ABHD12: variants seen among roughly 807,000 people sequenced by gnomAD.
ABHD12 encodes lysophosphatidylserine lipase ABHD12.
A neutral mutation model predicts 58.3 loss-of-function variants in ABHD12; 43 were observed. That is an observed-to-expected ratio of 0.74 (90% CI 0.58 to 0.95). The LOEUF (loss-of-function observed/expected upper bound fraction) is 0.95, where lower values mean the gene tolerates loss of function less well. Ranked by LOEUF, ABHD12 falls within the 40% of genes least tolerant of loss-of-function variation. ABHD12 has a pLI of 0.00. For synonymous variants in ABHD12, 219 were observed against 211.2 expected (o/e 1.04, Z -0.32); for missense variants, 539 against 537.2 (o/e 1.00, Z -0.03).
chr20:25,386,759 T>C (rs2090096474), intron 1 of ABHD12, among the ~76,000 whole-genome samples: 1 of 151,938 alleles, frequency 6.6e-6, no homozygotes, highest in Admixed American at 6.6e-5. Context: ...CAGGTGCCTG[T>C]AATCCCAGCT....
chr20:25,299,073 G>A (rs1263107056), downstream of ABHD12, among the ~76,000 whole-genome samples: 2 of 124,132 alleles, frequency 1.6e-5, no homozygotes, highest in Non-Finnish European at 3.2e-5. Flanking sequence ...CACCCTTCTC[G>A]CTCTTATCTG....
intron 4 of ABHD12, among the ~76,000 whole-genome samples, chr20:25,318,067 A>G (rs1419786742): frequency 6.6e-6 from 1 of 152,256 alleles, no homozygotes; most frequent in Non-Finnish European, 1.5e-5. Context: ...CTGTAATCCC[A>G]GCACTTTGGG....
Position 25,390,689 on chromosome 20 carries a change from G to T in ABHD12, c.15C>A (p.Thr5=). 7.1e-7 allele frequency: 1 copy of T among 1,411,050 alleles called. No homozygotes were observed. The highest frequency in any genetic ancestry group is 1.4e-5 in the South Asian group (1 of 70,542). The allele number at this position is 1,411,050 out of a possible 1,614,324, so 87.4% of individuals were successfully genotyped here. A position where few individuals can be genotyped will look rare whatever the true frequency, so the allele number is the denominator to read the frequency against. MRKR[T]EPVALEHERC... is the part of the protein sequence containing the mutation. ...GCTCATGCTCCAAGGCGACGGGCTC[G>T]GTCCGCTTCCTCATCCCGCGGCCGA... The change falls in exon 1 of 13, where the codon ACC becomes ACA. Residue 5 remains threonine, a synonymous_variant. Coordinates refer to ENST00000339157, the MANE Select transcript of ABHD12 (RefSeq NM_001042472.3).
chr20:25,340,343 T>C (rs1362368046), intron 1 of ABHD12, among the ~76,000 whole-genome samples: 6 of 152,238 alleles, frequency 3.9e-5, no homozygotes, highest in Non-Finnish European at 7.3e-5. Flanking sequence ...GACATTAACA[T>C]TTTTATAAAT....
At position 25,390,748 on chromosome 20, in the gene ABHD12, C is replaced by CCGCCTGG. The variant is rs71183397; in HGVS notation, c.-46_-45insCCAGGCG. ...GCCGCCGACGGCGCCCGCTGGCCTG[C>CCGCCTGG]GCCGCAGTGCCGCCGCTCACAGCCG... On this transcript the variant is annotated 5_prime_UTR_variant, in exon 1 of 13. Transcript: ENST00000339157. 8.2e-7 allele frequency: 1 copy of CCGCCTGG among 1,223,704 alleles called. No individual in the cohort carries two copies. Among genetic ancestry groups the CCGCCTGG allele is most frequent in the South Asian group, 2.8e-5 (1 of 35,990 alleles). 75.8% of individuals were successfully genotyped at this position (1,223,704 alleles called of 1,614,324 possible).
intron 1 of ABHD12, among the ~76,000 whole-genome samples, chr20:25,341,171 G>A (rs778039500): frequency 1.3e-4 from 20 of 152,194 alleles, no homozygotes; most frequent in Admixed American, 3.3e-4. Flanking sequence ...AAAGGATGGC[G>A]CCCGCACTTG....
At chr20:25,348,582 G>A (rs1396681927) in intron 1 of ABHD12, among the ~76,000 whole-genome samples, 1 of 151,936 alleles carries the variant, frequency 6.6e-6, no homozygotes, top group Non-Finnish European at 1.5e-5. Context: ...GACTGAGCCT[G>A]TGACTAGCCA....
chr20:25,310,827 C>T (rs947028491), intron 6 of ABHD12, among the ~76,000 whole-genome samples: 7 of 152,110 alleles, frequency 4.6e-5, no homozygotes, highest in Admixed American at 3.9e-4. Context: ...GAGGGACAGT[C>T]GGAGATGGAG....
intron 1 of ABHD12, among the ~76,000 whole-genome samples, chr20:25,372,198 T>A (rs1407915044): frequency 6.6e-6 from 1 of 151,878 alleles, no homozygotes; most frequent in South Asian, 2.1e-4. Context: ...GGTCTGCTGA[T>A]GATGAATTAT....
At chr20:25,339,790 G>C in intron 1 of ABHD12, 1 of 1,239,868 alleles carries the variant, frequency 8.1e-7, no homozygotes, top group East Asian at 5.7e-5. Context: ...CTCCTGGTAG[G>C]AAGCACGTAG....
At chr20:25,372,059 T>G (rs2089905951) in intron 1 of ABHD12, among the ~76,000 whole-genome samples, 1 of 152,128 alleles carries the variant, frequency 6.6e-6, no homozygotes, top group Non-Finnish European at 1.5e-5. Flanking sequence ...TGGAGTGCAG[T>G]GGCATGCTCA....
intron 1 of ABHD12, among the ~76,000 whole-genome samples, chr20:25,351,831 G>A (rs912677256): frequency 6.6e-6 from 1 of 152,018 alleles, no homozygotes; most frequent in Non-Finnish European, 1.5e-5. Context: ...AACTCAGGGG[G>A]TGGAGGTTGA....
At chr20:25,360,381 C>T (rs374530436) in intron 1 of ABHD12, among the ~76,000 whole-genome samples, 1 of 151,622 alleles carries the variant, frequency 6.6e-6, no homozygotes, top group Admixed American at 6.6e-5. Context: ...GCTGGGATTA[C>T]AGGCATGCAC....
At chr20:25,336,617 C>A (rs912316384) in intron 2 of ABHD12, among the ~76,000 whole-genome samples, 1 of 152,200 alleles carries the variant, frequency 6.6e-6, no homozygotes, top group Non-Finnish European at 1.5e-5. Context: ...ACGCCACAGA[C>A]CCCACCTCCT....
At chr20:25,352,447 C>A (rs1321909971) in intron 1 of ABHD12, among the ~76,000 whole-genome samples, 1 of 151,968 alleles carries the variant, frequency 6.6e-6, no homozygotes, top group Non-Finnish European at 1.5e-5. Flanking sequence ...TGCCACCACA[C>A]CTGGCTAATT....
At position 25,306,880 on chromosome 20, in the gene ABHD12, G is replaced by A; in HGVS notation, c.903C>T (p.Phe301=). The change falls in exon 10 of 13, where the codon TTC becomes TTT. Residue 301 remains phenylalanine, a synonymous_variant. Transcript: ENST00000339157. The stretch of plus-strand genomic sequence containing the variant: ...TTCCACTACTTGTAATAGGATCAAG[G>A]AAGAACCAGTCAAACCCAGGGAAGT... ...YRYFPGFDWF[F]LDPITSSGIK... The A allele has an allele frequency of 1.2e-6, 2 of 1,612,966 alleles. No homozygotes were observed. The highest frequency in any genetic ancestry group is 1.7e-6 in the Non-Finnish European group (2 of 1,179,150).
rs1156508612 is a variant in ABHD12, at chr20:25,322,386, T to A, written c.422+939A>T. Reference sequence around the variant, plus strand: ...AGATATATATATATATATATATTTTTTTTTTTTTTTGAGACAAGAGTCTCG... The same window carrying A: ...AGATATATATATATATATATATTTTATTTTTTTTTTGAGACAAGAGTCTCG... On this transcript the variant is annotated intron_variant, in intron 3 of 12. Transcript: ENST00000339157. Among the ~76,000 whole-genome samples, 23 of 116,856 alleles carry A rather than the reference T, an allele frequency of 2.0e-4. No individual in the cohort carries two copies. The East Asian group carries it at 2.4e-3, about 12-fold the overall frequency. 76.7% of individuals were successfully genotyped at this position (116,856 alleles called of 152,430 possible). A position where few individuals can be genotyped will look rare whatever the true frequency, so the allele number is the denominator to read the frequency against.
intron 1 of ABHD12, among the ~76,000 whole-genome samples, chr20:25,346,690 G>A (rs2146051638): frequency 6.6e-6 from 1 of 152,274 alleles, no homozygotes; most frequent in Admixed American, 6.5e-5. Context: ...TGTCGCCCAG[G>A]CTAGAGTGCA....
At chr20:25,347,891 T>C (rs1273725985) in intron 1 of ABHD12, among the ~76,000 whole-genome samples, 4 of 150,990 alleles carry the variant, frequency 2.6e-5, no homozygotes, top group African/African-American at 7.3e-5. Context: ...ACATATGATG[T>C]TGGCTGTGGG....
Sources: allele counts gnomAD v4.1 joint callset (sites outside exome capture counted in the v4.1 genomes callset), GRCh38; gene constraint gnomAD v4.1.1; transcripts MANE v1.5; gene names NCBI Gene and HGNC (gene_info 2026-07-23, HGNC 2026-07-21).